Variants in MACROD1 observed in about 807,000 individuals in gnomAD.
MACROD1 encodes the protein mono-ADP ribosylhydrolase 1.
MACROD1 carries 31 observed loss-of-function variants against 41.4 expected under a neutral mutation model. That is an observed-to-expected ratio of 0.75 (90% CI 0.56 to 1.01). MACROD1 has a LOEUF of 1.01. Among genes scored for constraint, MACROD1 ranks in the 50% least tolerant of loss-of-function variants. The pLI, the probability that MACROD1 is intolerant of heterozygous loss-of-function variation, is 0.00. For missense variants in MACROD1, 473 were observed against 460.0 expected (o/e 1.03, Z -0.26); for synonymous variants, 252 against 203.4 (o/e 1.24, Z -2.03).
intron 3 of MACROD1, among the ~76,000 whole-genome samples, chr11:64,073,944 C>A (rs995898027): frequency 6.6e-6 from 1 of 152,094 alleles, no homozygotes; most frequent in Non-Finnish European, 1.5e-5. Flanking sequence ...GGGAGGGAGG[C>A]TGGGGCCCTG....
chr11:64,158,788 C>T (rs1945708218), intron 1 of MACROD1, among the ~76,000 whole-genome samples: 1 of 152,216 alleles, frequency 6.6e-6, no homozygotes, highest in African/African-American at 2.4e-5. Context: ...CAACCTAAGT[C>T]CCTCATGCCC....
intron 3 of MACROD1, among the ~76,000 whole-genome samples, chr11:64,069,784 C>T (rs187373824): frequency 6.3e-4 from 96 of 152,316 alleles, no homozygotes; most frequent in Admixed American, 3.7e-3. Context: ...CGCACGCTGC[C>T]GGCCACTGCA....
intron 3 of MACROD1, chr11:64,086,971 G>C (rs546209003): frequency 2.6e-5 from 4 of 152,192 alleles, no homozygotes; most frequent in Admixed American, 2.6e-4. Context: ...TTTTGACGCA[G>C]GGAGATGACC....
intron 8 of MACROD1, 48 bp downstream of exon 8, chr11:63,999,283 A>G (rs764321339): frequency 6.5e-7 from 1 of 1,534,060 alleles, no homozygotes; most frequent in East Asian, 2.4e-5. Context: ...GGGGCTGGTC[A>G]CTCTGGCCGG....
At position 64,064,939 on chromosome 11, in the gene MACROD1, C is replaced by T. The variant is rs1943969539; in HGVS notation, c.518-49658G>A. Among the ~76,000 whole-genome samples, 1 of 152,086 alleles carries T rather than the reference C, an allele frequency of 6.6e-6. No homozygotes were observed. Among genetic ancestry groups the T allele is most frequent in the Non-Finnish European group, 1.5e-5 (1 of 68,012 alleles). Reference sequence around the variant, plus strand: ...GCAAGGCGGCAGGCAGGAGGGCCACCATGGTGACTGAGACAGACTCAGGGT... The same window carrying T: ...GCAAGGCGGCAGGCAGGAGGGCCACTATGGTGACTGAGACAGACTCAGGGT... On this transcript the variant is annotated intron_variant, in intron 3 of 10. Transcript: ENST00000255681. The surrounding 1 kb of genome is among the most constrained non-coding windows in gnomAD (Gnocchi z 4.5).
At chr11:64,132,720 A>G (rs1016963945) in intron 3 of MACROD1, among the ~76,000 whole-genome samples, 2 of 152,132 alleles carry the variant, frequency 1.3e-5, no homozygotes, top group Non-Finnish European at 2.9e-5. Context: ...CCATGTGACC[A>G]TCCAGATCTG....
intron 3 of MACROD1, among the ~76,000 whole-genome samples, chr11:64,097,606 G>A (rs1377077979): frequency 6.6e-6 from 1 of 152,264 alleles, no homozygotes; most frequent in African/African-American, 2.4e-5. Flanking sequence ...GAAAGTCTGG[G>A]TTTTGTCAGG....
chr11:64,162,417 C>A (rs947160775), intron 1 of MACROD1, among the ~76,000 whole-genome samples: 1 of 151,826 alleles, frequency 6.6e-6, no homozygotes, highest in Non-Finnish European at 1.5e-5. Flanking sequence ...GCAGGAGGAT[C>A]GCTGAGCCCA....
chr11:64,150,872 A>G (rs1945564807), intron 3 of MACROD1, among the ~76,000 whole-genome samples: 3 of 152,212 alleles, frequency 2.0e-5, no homozygotes. Flanking sequence ...AAGCGGGGGC[A>G]GGCCAGGCCA....
intron 3 of MACROD1, among the ~76,000 whole-genome samples, chr11:64,105,744 C>G (rs549977223): frequency 6.6e-6 from 1 of 152,172 alleles, no homozygotes; most frequent in Non-Finnish European, 1.5e-5. Flanking sequence ...CCAGCATCCT[C>G]CCTGTGCCAA....
chr11:64,154,097 G>C (rs1478656858), intron 1 of MACROD1, among the ~76,000 whole-genome samples: 1 of 152,070 alleles, frequency 6.6e-6, no homozygotes. Flanking sequence ...AAGTGTCCTT[G>C]CTGCTTTCCT....
chr11:64,164,793 T>C (rs1025532851), intron 1 of MACROD1, among the ~76,000 whole-genome samples: 1 of 149,780 alleles, frequency 6.7e-6, no homozygotes, highest in Non-Finnish European at 1.5e-5. Flanking sequence ...CCCTGCACTT[T>C]TGAAAGGGGA....
At position 64,059,242 on chromosome 11, in the gene MACROD1, G is replaced by A. The variant is rs184200693; in HGVS notation, c.518-43961C>T. On this transcript the variant is annotated intron_variant, in intron 3 of 10. Coordinates refer to ENST00000255681, the MANE Select transcript of MACROD1 (RefSeq NM_014067.4). ...TGGCTCCAGATTCCTCTTGCCGAGCGGGGAAAGGGGAGAAGCAGGTGAGAG... is the reference window on the plus strand; with the variant it reads ...TGGCTCCAGATTCCTCTTGCCGAGCAGGGAAAGGGGAGAAGCAGGTGAGAG... Among the ~76,000 whole-genome samples the A allele has an allele frequency of 4.6e-5, 7 of 152,316 alleles. No homozygotes were observed. In the East Asian group the frequency reaches 1.2e-3, roughly 25 times the overall value.
intron 3 of MACROD1, among the ~76,000 whole-genome samples, chr11:64,149,475 C>T (rs931724856): frequency 6.6e-6 from 1 of 152,192 alleles, no homozygotes; most frequent in African/African-American, 2.4e-5. Context: ...CTGGCGACTC[C>T]CAAGGGCACT....
chr11:64,116,710 C>T (rs80061941), intron 3 of MACROD1: 1 of 1,613,822 alleles, frequency 6.2e-7, no homozygotes, highest in Non-Finnish European at 8.5e-7. Flanking sequence ...GACTCGCTGG[C>T]CCGCATCCCG....
At chr11:64,165,592 A>C in intron 1 of MACROD1, 105 bp downstream of exon 1, 4 of 1,047,216 alleles carry the variant, frequency 3.8e-6, no homozygotes, top group Non-Finnish European at 5.1e-6. Flanking sequence ...CAACTTCCCC[A>C]GGTCTCTCGG....
In MACROD1 at chr11:64,036,668, A is replaced by T. The variant is rs1012915300; in HGVS notation, c.518-21387T>A. Among the ~76,000 whole-genome samples the T allele has an allele frequency of 7.2e-5, 11 of 152,080 alleles. No homozygotes were observed. Among genetic ancestry groups the T allele is most frequent in the Non-Finnish European group, 1.5e-4 (10 of 67,990 alleles). On this transcript the variant is annotated intron_variant, in intron 3 of 10. Transcript: ENST00000255681. This position sits in a 1 kb window ranked among gnomAD's most constrained non-coding sequence, Gnocchi z 5.6. ...GGAGCGAGGTTTTATTTTTAAAACG[A>T]CTTCAAGGGGGGCATGAGCAGCCTC...
chr11:64,112,673 G>A (rs960503122), intron 3 of MACROD1, among the ~76,000 whole-genome samples: 3 of 152,204 alleles, frequency 2.0e-5, no homozygotes, highest in African/African-American at 7.2e-5. Flanking sequence ...AGATGCAGGC[G>A]TGGATCTGGG....
chr11:63,999,065 G>A, intron 8 of MACROD1, 29 bp from the exon 9 acceptor site: 8 of 1,569,930 alleles, frequency 5.1e-6, no homozygotes, highest in Non-Finnish European at 6.9e-6. Context: ...AGCCTGGGCC[G>A]AGCTGCCACG....
Sources: gnomAD v4.1 joint callset for allele counts (sites outside exome capture counted in the v4.1 genomes callset) on GRCh38, gnomAD v4.1.1 for gene constraint, Gnocchi (gnomAD v3.1) non-coding constraint, MANE v1.5 for transcripts, NCBI Gene and HGNC (gene_info 2026-07-23, HGNC 2026-07-21) for gene names.